CDH8: variants seen among roughly 807,000 people sequenced by gnomAD.
CDH8 encodes cadherin 8, also known as cadherin-8.
A neutral mutation model predicts 68.1 loss-of-function variants in CDH8; 17 were observed. The observed-to-expected ratio is 0.25, with a 90% CI of 0.17 to 0.37. The LOEUF (loss-of-function observed/expected upper bound fraction) is 0.37, where lower values mean the gene tolerates loss of function less well. Ranked by LOEUF, CDH8 falls within the 10% of genes least tolerant of loss-of-function variation. The pLI, the probability that CDH8 is intolerant of heterozygous loss-of-function variation, is 1.00. For missense variants in CDH8, 763 were observed against 999.3 expected, an observed-to-expected ratio of 0.76 and a Z score of 3.19; for synonymous variants, 372 against 365.1, an observed-to-expected ratio of 1.02 and a Z score of -0.21.
chr16:61,905,444 A>G (rs1308309571), intron 2 of CDH8, among the ~76,000 whole-genome samples: 2 of 151,844 alleles, frequency 1.3e-5, no homozygotes. Context: ...TATGTAATTA[A>G]TATATTTAAT....
intron 7 of CDH8, among the ~76,000 whole-genome samples, chr16:61,801,723 G>T (rs1320551695): frequency 1.3e-5 from 2 of 152,152 alleles, no homozygotes; most frequent in Non-Finnish European, 2.9e-5. Flanking sequence ...CTGGAAAATC[G>T]GGTCACTCCC....
intron 10 of CDH8, among the ~76,000 whole-genome samples, chr16:61,666,693 G>A (rs1473735385): frequency 1.3e-5 from 2 of 151,870 alleles, no homozygotes; most frequent in Non-Finnish European, 2.9e-5. Context: ...AAATTTTCTT[G>A]GTTAAGTCAA....
At chr16:61,794,878 G>A (rs78423589) in intron 7 of CDH8, among the ~76,000 whole-genome samples, 1,947 of 152,006 alleles carry the variant, frequency 0.013, 21 homozygotes, top group Non-Finnish European at 0.023. Context: ...TTAGTTATAA[G>A]ATTAATCACA....
Position 61,901,249 on chromosome 16 carries a change from G to A in CDH8, c.477C>T (p.Asp159=). Residue 159 remains aspartate, a synonymous_variant, in exon 3 of 12, where the codon GAC becomes GAT. Transcript: ENST00000577390. ...GAAACTCTGGTGCATTGTCATTGAT[G>A]TCTTGAACTTTAATAATAAATTCAG... The part of the protein sequence containing the change: ...PPSEFIIKVQ[D]INDNAPEFLN... 1 of 1,613,952 alleles carries A rather than the reference G, an allele frequency of 6.2e-7. No homozygotes were observed. The highest frequency in any genetic ancestry group is 8.5e-7 in the Non-Finnish European group (1 of 1,179,858).
At chr16:61,812,868 A>G (rs1961983244) in intron 7 of CDH8, among the ~76,000 whole-genome samples, 1 of 152,178 alleles carries the variant, frequency 6.6e-6, no homozygotes, top group Non-Finnish European at 1.5e-5. Context: ...CTATATCACT[A>G]AGTACAGGAA....
intron 3 of CDH8, among the ~76,000 whole-genome samples, chr16:61,878,576 A>G (rs946007759): frequency 1.3e-5 from 2 of 152,152 alleles, no homozygotes; most frequent in Non-Finnish European, 1.5e-5. Flanking sequence ...GAAACTGCCC[A>G]GTGTAGTGTT....
chr16:61,684,749 G>A (rs1210286966), intron 10 of CDH8, among the ~76,000 whole-genome samples: 2 of 151,974 alleles, frequency 1.3e-5, no homozygotes, highest in African/African-American at 4.8e-5. Flanking sequence ...AAGCTAATGG[G>A]AAGCAGTGGA....
intron 2 of CDH8, among the ~76,000 whole-genome samples, chr16:61,968,330 A>G: frequency 6.6e-6 from 1 of 152,106 alleles, no homozygotes; most frequent in Non-Finnish European, 1.5e-5. Context: ...TGATGTGTCA[A>G]GTTTTTCCCA....
chr16:61,715,665 C>T (rs189524082), intron 9 of CDH8, among the ~76,000 whole-genome samples: 2 of 151,626 alleles, frequency 1.3e-5, no homozygotes, highest in East Asian at 2.0e-4. Flanking sequence ...CATGATCAGA[C>T]TAAAGGAGAA....
intron 2 of CDH8, among the ~76,000 whole-genome samples, chr16:61,982,112 G>T (rs1034355345): frequency 6.6e-6 from 1 of 152,142 alleles, no homozygotes; most frequent in South Asian, 2.1e-4. Context: ...ATTCAGAAAT[G>T]TATATATAGC....
chr16:61,662,987 CT>C (rs1213443431), intron 10 of CDH8, among the ~76,000 whole-genome samples: 9 of 151,936 alleles, frequency 5.9e-5, no homozygotes, highest in Admixed American at 4.6e-4. Context: ...CAGGAGCTTG[CT>C]TTATTCTTCA....
chr16:61,995,014 A>G (rs958865295), intron 2 of CDH8, among the ~76,000 whole-genome samples: 3 of 152,166 alleles, frequency 2.0e-5, no homozygotes, highest in Non-Finnish European at 4.4e-5. Flanking sequence ...TCCCGGGGAG[A>G]TTAAGAAAAA....
rs747749044 is a variant in CDH8, at chr16:61,686,234, G to A, written c.1654+27607C>T. Among the ~76,000 whole-genome samples the A allele has an allele frequency of 9.2e-5, 14 of 151,794 alleles. 1 individual carries two copies. In the South Asian group the frequency reaches 1.5e-3, roughly 16 times the overall value. ...ATTATTCAAATAATGATCAATATTC[G>A]TCCAGGAATACCTCCAATCTTCTTA... is the stretch of plus-strand genomic sequence containing the variant. On this transcript the variant is annotated intron_variant, in intron 10 of 11. Transcript: ENST00000577390.
chr16:61,774,070 T>C (rs1960847444), intron 8 of CDH8, among the ~76,000 whole-genome samples: 1 of 151,930 alleles, frequency 6.6e-6, no homozygotes, highest in Non-Finnish European at 1.5e-5. Context: ...GATTAGGGAG[T>C]CCTGGAATCA....
At chr16:61,857,363 A>T (rs1963066807) in intron 3 of CDH8, 125 bp from the exon 4 acceptor site, 1 of 845,676 alleles carries the variant, frequency 1.2e-6, no homozygotes, top group Non-Finnish European at 1.8e-6. Flanking sequence ...AAATCTTTTT[A>T]AAAAGTTGAA....
chr16:61,724,767 G>C (rs1959297440), intron 9 of CDH8, among the ~76,000 whole-genome samples: 2 of 150,912 alleles, frequency 1.3e-5, no homozygotes, highest in Admixed American at 1.3e-4. Flanking sequence ...TAGTTCCATA[G>C]TGAGTCAGTC....
At chr16:61,799,931 C>T (rs973121280) in intron 7 of CDH8, among the ~76,000 whole-genome samples, 8 of 152,090 alleles carry the variant, frequency 5.3e-5, no homozygotes, top group South Asian at 2.1e-4. Flanking sequence ...CAAGGTCTCA[C>T]GAGGTCTCCC....
chr16:61,817,709 T>C lies in CDH8; in HGVS notation c.1047A>G (p.Lys349=), dbSNP rs1962113097. 4 of 1,576,494 alleles carry C rather than the reference T, an allele frequency of 2.5e-6. No homozygotes were observed. Among genetic ancestry groups the C allele is most frequent in the Non-Finnish European group, 2.6e-6 (3 of 1,163,450 alleles). The change falls in exon 7 of 12, where the codon AAA becomes AAG. Residue 349 remains lysine, a synonymous_variant. Coordinates refer to ENST00000577390, the MANE Select transcript of CDH8 (RefSeq NM_001796.5). ...LRKPLDFETK[K]SYTLKVEAAN... is the part of the protein sequence containing the mutation. ...CTGCCTCTACCTTTAGCGTATAGGA[T>C]TTTTTGGTCTCAAAGTCCAGAGGCT...
At chr16:61,764,734 C>T (rs1960547063) in intron 8 of CDH8, among the ~76,000 whole-genome samples, 1 of 152,016 alleles carries the variant, frequency 6.6e-6, no homozygotes, top group Non-Finnish European at 1.5e-5. Flanking sequence ...TTTTACCCCC[C>T]TTCCCTTTAG....
Sources: allele counts gnomAD v4.1 joint callset (sites outside exome capture counted in the v4.1 genomes callset), GRCh38; gene constraint gnomAD v4.1.1; transcripts MANE v1.5; gene names NCBI Gene and HGNC (gene_info 2026-07-23, HGNC 2026-07-21).